SLC16A12: variants seen among roughly 807,000 people sequenced by gnomAD.
SLC16A12 encodes the protein solute carrier family 16 member 12, also known as monocarboxylate transporter 12.
In SLC16A12, 17 loss-of-function variants were observed where a neutral mutation model predicts 42.4. That is an observed-to-expected ratio of 0.40 (90% CI 0.27 to 0.60). SLC16A12 has a LOEUF of 0.60. Among genes scored for constraint, SLC16A12 ranks in the 20% least tolerant of loss-of-function variants. The probability of loss-of-function intolerance (pLI) is 0.42; values close to 1 mark genes in which losing one functional copy is unlikely to be tolerated. For missense variants in SLC16A12, 544 were observed against 623.0 expected, an observed-to-expected ratio of 0.87 and a Z score of 1.35; for synonymous variants, 224 against 229.4, an observed-to-expected ratio of 0.98 and a Z score of 0.21.
intron 2 of SLC16A12, among the ~76,000 whole-genome samples, chr10:89,520,673 A>G (rs1843336019): frequency 6.7e-6 from 1 of 149,968 alleles, no homozygotes; most frequent in Admixed American, 6.7e-5. Flanking sequence ...CAGATAGAAG[A>G]ACTGTCCAAG....
chr10:89,551,167 C>T (rs191193900), intron 2 of SLC16A12, among the ~76,000 whole-genome samples: 15 of 152,258 alleles, frequency 9.9e-5, no homozygotes, highest in African/African-American at 2.9e-4. Flanking sequence ...TTCAGCCTGG[C>T]GTGGTGGCTC....
intron 2 of SLC16A12, among the ~76,000 whole-genome samples, chr10:89,483,542 A>G (rs1052529218): frequency 2.0e-5 from 3 of 152,294 alleles, no homozygotes; most frequent in East Asian, 1.9e-4. Context: ...AACCATTATA[A>G]TAATAAATTG....
At chr10:89,455,427 A>G (rs1564574299) in intron 3 of SLC16A12, among the ~76,000 whole-genome samples, 1 of 152,214 alleles carries the variant, frequency 6.6e-6, no homozygotes, top group African/African-American at 2.4e-5. Context: ...ACAGAAATCA[A>G]AATTAATACC....
intron 2 of SLC16A12, among the ~76,000 whole-genome samples, chr10:89,551,167 C>A (rs191193900): frequency 6.6e-6 from 1 of 152,140 alleles, no homozygotes; most frequent in Admixed American, 6.5e-5. Context: ...TTCAGCCTGG[C>A]GTGGTGGCTC....
At chr10:89,496,114 A>G (rs930077535) in intron 2 of SLC16A12, among the ~76,000 whole-genome samples, 1 of 152,206 alleles carries the variant, frequency 6.6e-6, no homozygotes, top group Admixed American at 6.5e-5. Flanking sequence ...AACAATTAAC[A>G]TAAGAAGTGG....
intron 2 of SLC16A12, among the ~76,000 whole-genome samples, chr10:89,500,179 A>G (rs1490518381): frequency 6.6e-6 from 1 of 152,212 alleles, no homozygotes; most frequent in Non-Finnish European, 1.5e-5. Flanking sequence ...GTCCAGGACC[A>G]GAGGGATTCA....
chr10:89,462,738 C>G, intron 2 of SLC16A12, 114 bp from the exon 3 acceptor site: 4 of 1,154,170 alleles, frequency 3.5e-6, no homozygotes, highest in Non-Finnish European at 4.7e-6. Context: ...GTATTTGTAA[C>G]TATGAATACT....
intron 3 of SLC16A12, among the ~76,000 whole-genome samples, chr10:89,447,813 T>C (rs1842028241): frequency 6.6e-6 from 1 of 152,012 alleles, no homozygotes; most frequent in African/African-American, 2.4e-5. Context: ...AATCAATGAA[T>C]TCAGGAGCTG....
intron 2 of SLC16A12, among the ~76,000 whole-genome samples, chr10:89,551,556 C>T (rs569716531): frequency 6.6e-6 from 1 of 152,164 alleles, no homozygotes; most frequent in Non-Finnish European, 1.5e-5. Context: ...GGCTCTGTGT[C>T]CCCACCCAAA....
At chr10:89,469,904 A>G (rs1353211415) in intron 2 of SLC16A12, among the ~76,000 whole-genome samples, 1 of 152,258 alleles carries the variant, frequency 6.6e-6, no homozygotes, top group African/African-American at 2.4e-5. Context: ...TGTTTACATA[A>G]TAACTCTTTC....
At chr10:89,466,954 T>C (rs1030471500) in intron 2 of SLC16A12, among the ~76,000 whole-genome samples, 1 of 152,076 alleles carries the variant, frequency 6.6e-6, no homozygotes, top group Admixed American at 6.6e-5. Flanking sequence ...TTCTCTCAAT[T>C]CCAATAGAAC....
chr10:89,531,137 C>T (rs1331237520), intron 2 of SLC16A12, among the ~76,000 whole-genome samples: 1 of 152,022 alleles, frequency 6.6e-6, no homozygotes, highest in African/African-American at 2.4e-5. Context: ...ACAATAGCAT[C>T]CTGGCACTTT....
intron 4 of SLC16A12, among the ~76,000 whole-genome samples, chr10:89,442,792 AT>A (rs1245830681): frequency 1.3e-5 from 2 of 152,166 alleles, no homozygotes; most frequent in South Asian, 2.1e-4. Flanking sequence ...GAGTAAATGA[AT>A]TTTTTTTCCA....
At chr10:89,435,927 T>C (rs1841776177) in intron 7 of SLC16A12, 133 bp downstream of exon 7, 2 of 1,317,730 alleles carry the variant, frequency 1.5e-6, no homozygotes, top group South Asian at 1.3e-5. Context: ...TTGGGGGCTC[T>C]TATATCCCTT....
At chr10:89,435,591 C>G (rs1399998347) in intron 7 of SLC16A12, among the ~76,000 whole-genome samples, 2 of 152,196 alleles carry the variant, frequency 1.3e-5, no homozygotes, top group African/African-American at 4.8e-5. Context: ...TACATAAAAA[C>G]TTTAATACTA....
chr10:89,468,861 G>T (rs1212971297), intron 2 of SLC16A12, among the ~76,000 whole-genome samples: 1 of 152,168 alleles, frequency 6.6e-6, no homozygotes, highest in Non-Finnish European at 1.5e-5. Context: ...CGGGCACAAT[G>T]ACTCACACCT....
At chr10:89,499,857 A>G (rs939290031) in intron 2 of SLC16A12, among the ~76,000 whole-genome samples, 2 of 152,220 alleles carry the variant, frequency 1.3e-5, no homozygotes, top group African/African-American at 2.4e-5. Context: ...ATAAAACAAA[A>G]GGATGGTTCT....
intron 3 of SLC16A12, among the ~76,000 whole-genome samples, 146 bp downstream of exon 3, chr10:89,462,220 GCAAAGAAAATGAT>G (rs1842311757): frequency 6.6e-6 from 1 of 152,138 alleles, no homozygotes; most frequent in African/African-American, 2.4e-5. Flanking sequence ...CACATACTTT[GCAAAGAAAATGAT>G]ACCTGAAGAG....
At position 89,512,392 on chromosome 10, in the gene SLC16A12, C is replaced by T. The variant is rs2133840626; in HGVS notation, c.-47+22109G>A. 1.3e-5 allele frequency among the ~76,000 whole-genome samples: 2 copies of T among 152,302 alleles called. 1 individual carries two copies. Among genetic ancestry groups the T allele is most frequent in the Middle Eastern group, 6.8e-3 (2 of 294 alleles). On this transcript the variant is annotated intron_variant, in intron 2 of 7. Coordinates refer to ENST00000371790, the MANE Select transcript of SLC16A12 (RefSeq NM_213606.4). The stretch of plus-strand genomic sequence containing the variant: ...TGAGATGACTAGTGTCTGCAGGCTC[C>T]TGGGCAGCCTCAGGTTGGAGGATGT...
Sources: allele counts gnomAD v4.1 joint callset (sites outside exome capture counted in the v4.1 genomes callset), GRCh38; gene constraint gnomAD v4.1.1; transcripts MANE v1.5; gene names NCBI Gene and HGNC (gene_info 2026-07-23, HGNC 2026-07-21).